Variants in CYB5R4 observed in about 807,000 individuals in gnomAD.
CYB5R4 encodes the protein N-terminal cytochrome b5 and cytochrome b5 oxidoreductase domain-containing protein.
In CYB5R4, 55 loss-of-function variants were observed where a neutral mutation model predicts 70.2. The observed-to-expected ratio is 0.78, with a 90% CI of 0.63 to 0.98. The LOEUF is 0.98. CYB5R4 is among the 50% of genes least tolerant of loss of function. CYB5R4 has a pLI of 0.00. For synonymous variants in CYB5R4, 197 were observed against 199.5 expected (o/e 0.99, Z 0.11); for missense variants, 562 against 612.6 (o/e 0.92, Z 0.87).
chr6:83,934,042 A>G (rs1307913027), intron 10 of CYB5R4, among the ~76,000 whole-genome samples: 2 of 152,198 alleles, frequency 1.3e-5, no homozygotes, highest in Non-Finnish European at 2.9e-5. Flanking sequence ...AAAATTGCTT[A>G]CTAGTGCTAC....
chr6:83,951,736 A>G (rs903372896), intron 14 of CYB5R4, among the ~76,000 whole-genome samples: 17 of 152,190 alleles, frequency 1.1e-4, no homozygotes, highest in East Asian at 3.9e-4. Context: ...TAGTGCTGCA[A>G]TAAACATACA....
chr6:83,904,453 A>G (rs2099463459), intron 3 of CYB5R4, among the ~76,000 whole-genome samples: 1 of 152,164 alleles, frequency 6.6e-6, no homozygotes, highest in South Asian at 2.1e-4. Context: ...AGCCTAACAT[A>G]TGTCTGTCAT....
intron 3 of CYB5R4, among the ~76,000 whole-genome samples, chr6:83,906,304 C>T (rs1232424086): frequency 6.6e-6 from 1 of 152,202 alleles, no homozygotes; most frequent in Non-Finnish European, 1.5e-5. Flanking sequence ...CCATGCTTCT[C>T]TTGCACTTCA....
chr6:83,911,138 C>T (rs533459288), intron 4 of CYB5R4, among the ~76,000 whole-genome samples: 3 of 152,224 alleles, frequency 2.0e-5, no homozygotes, highest in African/African-American at 7.2e-5. Context: ...GGTGCGGTGG[C>T]TCATGCCTGT....
chr6:83,940,723 C>A, intron 14 of CYB5R4, 122 bp downstream of exon 14: 1 of 1,131,318 alleles, frequency 8.8e-7, no homozygotes, highest in Non-Finnish European at 1.2e-6. Flanking sequence ...AAAAATAAAC[C>A]AATAATTCTC....
At chr6:83,901,224 G>A (rs372412441) in intron 3 of CYB5R4, among the ~76,000 whole-genome samples, 4 of 152,228 alleles carry the variant, frequency 2.6e-5, no homozygotes, top group Non-Finnish European at 1.5e-5. Context: ...CACTTATGAA[G>A]CTTAGTTTGG....
chr6:83,945,611 C>CA (rs1283999125), intron 14 of CYB5R4, among the ~76,000 whole-genome samples: 6 of 151,888 alleles, frequency 4.0e-5, no homozygotes, highest in Admixed American at 1.3e-4. Flanking sequence ...AAAAACCCTT[C>CA]AAAAAATCAA....
At chr6:83,903,962 A>G (rs1244191987) in intron 3 of CYB5R4, among the ~76,000 whole-genome samples, 1 of 151,778 alleles carries the variant, frequency 6.6e-6, no homozygotes, top group Non-Finnish European at 1.5e-5. Context: ...GTGGCTTATC[A>G]ATTTTGTTTT....
chr6:83,930,457 A>T (rs1329126970), intron 10 of CYB5R4, among the ~76,000 whole-genome samples: 1 of 152,200 alleles, frequency 6.6e-6, no homozygotes, highest in Non-Finnish European at 1.5e-5. Context: ...AGTAGATTCC[A>T]TCTCAAGAAC....
At chr6:83,862,640 T>C (rs1326153567) in intron 1 of CYB5R4, among the ~76,000 whole-genome samples, 3 of 152,202 alleles carry the variant, frequency 2.0e-5, no homozygotes, top group Non-Finnish European at 4.4e-5. Context: ...GACCAGATTG[T>C]GAAGACCTGG....
intron 15 of CYB5R4, among the ~76,000 whole-genome samples, chr6:83,957,319 T>C (rs1378011465): frequency 6.6e-6 from 1 of 152,130 alleles, no homozygotes; most frequent in Non-Finnish European, 1.5e-5. Context: ...GATTGCAATA[T>C]AATAATACTT....
intron 10 of CYB5R4, among the ~76,000 whole-genome samples, chr6:83,925,949 C>A (rs1040285885): frequency 6.6e-6 from 1 of 152,138 alleles, no homozygotes; most frequent in Non-Finnish European, 1.5e-5. Context: ...CCTTTGATTT[C>A]TTTTCCTTTG....
chr6:83,959,898 T>A lies in CYB5R4; in HGVS notation c.*20T>A. 1 of 1,566,064 alleles carries A rather than the reference T, an allele frequency of 6.4e-7. No homozygotes were observed. The highest frequency in any genetic ancestry group is 8.6e-7 in the Non-Finnish European group (1 of 1,156,130). ...GCATAATGAAGAGCTGTCATTGTCC[T>A]TTATTCAACTAGTTTATCTAAATTT... On this transcript the variant is annotated 3_prime_UTR_variant, in exon 16 of 16. Coordinates refer to ENST00000369681, the MANE Select transcript of CYB5R4 (RefSeq NM_016230.4).
chr6:83,924,669 G>GA, intron 10 of CYB5R4, 77 bp downstream of exon 10: 1 of 1,499,304 alleles, frequency 6.7e-7, no homozygotes, highest in Non-Finnish European at 9.1e-7. Context: ...CCAGAGTTTG[G>GA]AAGGCTGCTT....
intron 3 of CYB5R4, among the ~76,000 whole-genome samples, chr6:83,898,364 T>C (rs1376230406): frequency 2.6e-5 from 4 of 152,178 alleles, no homozygotes; most frequent in Non-Finnish European, 5.9e-5. Context: ...TTGGTTACTG[T>C]AGCCTTGTAG....
At chr6:83,865,999 T>C (rs2099456668) in intron 2 of CYB5R4, among the ~76,000 whole-genome samples, 1 of 152,198 alleles carries the variant, frequency 6.6e-6, no homozygotes. Flanking sequence ...GCTCCCTATC[T>C]GTTTACCAGC....
At chr6:83,873,671 T>C (rs540157986) in intron 2 of CYB5R4, among the ~76,000 whole-genome samples, 24 of 152,248 alleles carry the variant, frequency 1.6e-4, no homozygotes, top group Non-Finnish European at 2.8e-4. Flanking sequence ...TTAATGAATA[T>C]TTCTCAAGGG....
At chr6:83,918,936 C>T (rs1242828809) in intron 6 of CYB5R4, among the ~76,000 whole-genome samples, 4 of 152,066 alleles carry the variant, frequency 2.6e-5, no homozygotes, top group African/African-American at 4.8e-5. Context: ...TGTAACAAAA[C>T]AGAAGACTTA....
Position 83,967,052 on chromosome 6 carries a change from A to G in CYB5R4, c.*7174A>G, listed in dbSNP as rs1280991313. On this transcript the variant is annotated 3_prime_UTR_variant, in exon 16 of 16. Coordinates refer to ENST00000369681, the MANE Select transcript of CYB5R4 (RefSeq NM_016230.4). Reference sequence around the variant, plus strand: ...ACAGCATTGCCTTATGCTTTAAGAAAGTGTTGTACCACATTTGATATCCTG... The same window carrying G: ...ACAGCATTGCCTTATGCTTTAAGAAGGTGTTGTACCACATTTGATATCCTG... The G allele has an allele frequency of 6.6e-6, 1 of 152,238 alleles. No individual in the cohort carries two copies. Among genetic ancestry groups the G allele is most frequent in the African/African-American group, 2.4e-5 (1 of 41,470 alleles). 9.4% of individuals were successfully genotyped at this position (152,238 alleles called of 1,614,324 possible). A position where few individuals can be genotyped will look rare whatever the true frequency, so the allele number is the denominator to read the frequency against.
Sources: gnomAD v4.1 joint callset for allele counts (sites outside exome capture counted in the v4.1 genomes callset) on GRCh38, gnomAD v4.1.1 for gene constraint, MANE v1.5 for transcripts, NCBI Gene and HGNC (gene_info 2026-07-23, HGNC 2026-07-21) for gene names.